The following ATXN7L1 variants were observed in gnomAD, a reference collection of about 807,000 sequenced individuals.
ATXN7L1 encodes ataxin-7-like protein 1.
A neutral mutation model predicts 70.8 loss-of-function variants in ATXN7L1; 15 were observed. The observed-to-expected ratio is 0.21, with a 90% confidence interval of 0.14 to 0.33. The LOEUF (loss-of-function observed/expected upper bound fraction) is 0.33, where lower values mean the gene tolerates loss of function less well. ATXN7L1 is among the 10% of genes least tolerant of loss of function. The pLI, the probability that ATXN7L1 is intolerant of heterozygous loss-of-function variation, is 1.00. For synonymous variants in ATXN7L1, 440 were observed against 445.1 expected, an observed-to-expected ratio of 0.99 and a Z score of 0.14; for missense variants, 975 against 1,097.1, an observed-to-expected ratio of 0.89 and a Z score of 1.57.
intron 7 of ATXN7L1, among the ~76,000 whole-genome samples, chr7:105,632,757 A>T (rs1430624856): frequency 6.6e-6 from 1 of 151,706 alleles, no homozygotes; most frequent in Non-Finnish European, 1.5e-5. Context: ...CTGCCTCTGT[A>T]AAAAAATAAA....
chr7:105,639,453 G>A (rs1367213820), intron 6 of ATXN7L1, 34 bp downstream of exon 6: 1 of 1,508,848 alleles, frequency 6.6e-7, no homozygotes, highest in Non-Finnish European at 9.0e-7. Flanking sequence ...GCCCCAGCGA[G>A]AGCAGGAAGT....
At position 105,642,897 on chromosome 7, in the gene ATXN7L1, A is replaced by G. The variant is rs747755281; in HGVS notation, c.803T>C (p.Ile268Thr). The G allele has an allele frequency of 7.7e-6, 12 of 1,551,534 alleles. No homozygotes were observed. Among genetic ancestry groups the G allele is most frequent in the Non-Finnish European group, 9.6e-6 (11 of 1,147,000 alleles). Residue 268 changes from isoleucine to threonine, a missense_variant, in exon 5 of 12, where the codon ATA becomes ACA. This residue lies in a region of ATXN7L1 where 192 missense variants were observed against 215.5 expected (regional missense o/e 0.89). Coordinates refer to ENST00000419735, the MANE Select transcript of ATXN7L1 (RefSeq NM_020725.2). ...LNGKGILPTTIDKKHQNGTKN... is the reference protein window; with the variant it reads ...LNGKGILPTTTDKKHQNGTKN... ...GGTGCCATTTTGGTGTTTCTTGTCT[A>G]TGGTGGTTGGCAGAATTCCTTTGCC...
chr7:105,780,956 CAG>C (rs527825668), intron 3 of ATXN7L1, among the ~76,000 whole-genome samples: 139 of 152,202 alleles, frequency 9.1e-4, no homozygotes, highest in Admixed American at 4.6e-3. Flanking sequence ...GTATAATAAA[CAG>C]GGGCATGTTA....
chr7:105,819,473 T>TCCCAGGG (rs1809741337), intron 2 of ATXN7L1: 2 of 751,546 alleles, frequency 2.7e-6, no homozygotes, highest in South Asian at 2.8e-5. Context: ...GAGTGTCCTT[T>TCCCAGGG]CCCAGGGGGC....
At chr7:105,696,702 A>C (rs1372796270) in intron 3 of ATXN7L1, among the ~76,000 whole-genome samples, 2 of 152,208 alleles carry the variant, frequency 1.3e-5, no homozygotes, top group South Asian at 2.1e-4. Flanking sequence ...TTCCACCACA[A>C]ACCAGACAAA....
At chr7:105,661,343 T>C (rs926879210) in intron 4 of ATXN7L1, among the ~76,000 whole-genome samples, 1 of 152,078 alleles carries the variant, frequency 6.6e-6, no homozygotes, top group Non-Finnish European at 1.5e-5. Flanking sequence ...TCTGGCCTAA[T>C]AGGGTGGTAT....
chr7:105,789,467 G>A (rs150629099), intron 2 of ATXN7L1, among the ~76,000 whole-genome samples: 26 of 152,296 alleles, frequency 1.7e-4, no homozygotes, highest in African/African-American at 5.5e-4. Context: ...GGGAGTGTGC[G>A]GCAGGTGGCC....
At chr7:105,759,466 G>GTT (rs1228041389) in intron 3 of ATXN7L1, among the ~76,000 whole-genome samples, 2 of 103,656 alleles carry the variant, frequency 1.9e-5, no homozygotes, top group African/African-American at 1.0e-4. Flanking sequence ...GTGTGTGTGT[G>GTT]TGTGTGTGTG....
chr7:105,698,184 C>T (rs1210662490), intron 3 of ATXN7L1, among the ~76,000 whole-genome samples: 1 of 152,158 alleles, frequency 6.6e-6, no homozygotes, highest in African/African-American at 2.4e-5. Context: ...CTCAGCTCAA[C>T]ACGCCTCACT....
chr7:105,775,013 GA>G lies in ATXN7L1; in HGVS notation c.355+13590del, dbSNP rs970627549. Among the ~76,000 whole-genome samples, 4 of 148,126 alleles carry G rather than the reference GA, an allele frequency of 2.7e-5. No homozygotes were observed. In the East Asian group the frequency reaches 5.9e-4, roughly 22 times the overall value. On this transcript the variant is annotated intron_variant, in intron 3 of 11. Transcript: ENST00000419735. The stretch of plus-strand genomic sequence containing the variant: ...ACAAAGACAATGGTTGCTTTCTCTG[GA>G]AAAAAAAAAGATTATTTTTTCCAGG...
intron 8 of ATXN7L1, among the ~76,000 whole-genome samples, chr7:105,623,177 C>A (rs1409637460): frequency 6.6e-6 from 1 of 152,168 alleles, no homozygotes; most frequent in Non-Finnish European, 1.5e-5. Context: ...GGCCTTCGTT[C>A]ATGACATGGA....
At chr7:105,663,181 G>A (rs546707423) in intron 4 of ATXN7L1, among the ~76,000 whole-genome samples, 4 of 152,246 alleles carry the variant, frequency 2.6e-5, no homozygotes, top group East Asian at 1.9e-4. Context: ...GACTCACATC[G>A]CCGGTGGGTG....
intron 3 of ATXN7L1, among the ~76,000 whole-genome samples, chr7:105,705,305 T>TCTCA (rs1371122574): frequency 1.3e-4 from 19 of 151,844 alleles, no homozygotes; most frequent in African/African-American, 4.6e-4. Context: ...GGACTACAGG[T>TCTCA]GTGAGCCACC....
At chr7:105,676,810 A>G (rs1225168292) in intron 3 of ATXN7L1, among the ~76,000 whole-genome samples, 1 of 152,236 alleles carries the variant, frequency 6.6e-6, no homozygotes, top group Non-Finnish European at 1.5e-5. Context: ...ACTGCACTCC[A>G]GCCTGAGAGA....
intron 3 of ATXN7L1, among the ~76,000 whole-genome samples, chr7:105,758,251 T>C (rs1800053151): frequency 6.6e-6 from 1 of 152,174 alleles, no homozygotes; most frequent in South Asian, 2.1e-4. Context: ...GGGCCTTCCA[T>C]GCTTCCATCA....
chr7:105,745,526 C>A (rs1203918068), intron 3 of ATXN7L1, among the ~76,000 whole-genome samples: 2 of 152,232 alleles, frequency 1.3e-5, no homozygotes, highest in African/African-American at 4.8e-5. Context: ...TTTGAAACTT[C>A]TGGGTGCTGC....
chr7:105,751,233 G>A (rs576233178), intron 3 of ATXN7L1, among the ~76,000 whole-genome samples: 2 of 152,058 alleles, frequency 1.3e-5, no homozygotes, highest in Admixed American at 1.3e-4. Flanking sequence ...GAGGGAGGTG[G>A]GAGTGTTATA....
intron 3 of ATXN7L1, among the ~76,000 whole-genome samples, chr7:105,718,166 T>C (rs1794784235): frequency 1.3e-5 from 2 of 152,278 alleles, no homozygotes; most frequent in East Asian, 1.9e-4. Flanking sequence ...CAAATCATGA[T>C]AGAGCGGCAC....
intron 3 of ATXN7L1, among the ~76,000 whole-genome samples, chr7:105,782,881 A>G (rs1350930005): frequency 6.6e-6 from 1 of 152,234 alleles, no homozygotes; most frequent in Non-Finnish European, 1.5e-5. Context: ...CTCAGCGTGC[A>G]CATCCTCTGA....
Sources: gnomAD v4.1 joint callset for allele counts (sites outside exome capture counted in the v4.1 genomes callset) on GRCh38, gnomAD v4.1.1 for gene constraint, gnomAD v4.1.1 regional missense constraint, MANE v1.5 for transcripts, NCBI Gene and HGNC (gene_info 2026-07-23, HGNC 2026-07-21) for gene names.